Variants in CACNA2D2 observed in about 807,000 individuals in gnomAD.
The protein encoded by CACNA2D2 is calcium voltage-gated channel auxiliary subunit alpha2delta 2, also known as voltage-dependent calcium channel subunit alpha-2/delta-2.
A neutral mutation model predicts 166.4 loss-of-function variants in CACNA2D2; 48 were observed. That is an observed-to-expected ratio of 0.29 (90% CI 0.23 to 0.37). The LOEUF (loss-of-function observed/expected upper bound fraction) is 0.37. Among genes scored for constraint, CACNA2D2 ranks in the 10% least tolerant of loss-of-function variants. The probability of loss-of-function intolerance (pLI) is 1.00; values close to 1 mark genes in which losing one functional copy is unlikely to be tolerated. For synonymous variants in CACNA2D2, 561 were observed against 573.7 expected, an observed-to-expected ratio of 0.98 and a Z score of 0.32; for missense variants, 1,122 against 1,433.0, an observed-to-expected ratio of 0.78 and a Z score of 3.50.
intron 22 of CACNA2D2, among the ~76,000 whole-genome samples, chr3:50,373,996 A>T (rs990933608): frequency 0.011 from 2 of 178 alleles, no homozygotes; most frequent in African/African-American, 0.1. Context: ...GGGGGAGGGG[A>T]GGGGGGAGGA....
At chr3:50,468,744 C>G (rs1709940690) in intron 2 of CACNA2D2, among the ~76,000 whole-genome samples, 1 of 152,048 alleles carries the variant, frequency 6.6e-6, no homozygotes, top group Non-Finnish European at 1.5e-5. Flanking sequence ...CACTAACTTC[C>G]CCATTCCCAA....
At chr3:50,501,133 C>T (rs1698945384) in intron 1 of CACNA2D2, among the ~76,000 whole-genome samples, 1 of 152,198 alleles carries the variant, frequency 6.6e-6, no homozygotes, top group Non-Finnish European at 1.5e-5. Context: ...TGGGAGGTCA[C>T]CCATCCCTGA....
At chr3:50,400,466 C>T (rs1028135728) in intron 3 of CACNA2D2, among the ~76,000 whole-genome samples, 4 of 152,256 alleles carry the variant, frequency 2.6e-5, no homozygotes, top group Non-Finnish European at 5.9e-5. Context: ...ACGGCCACCT[C>T]AGCGACTTTG....
At chr3:50,465,535 A>G (rs1709793681) in intron 2 of CACNA2D2, among the ~76,000 whole-genome samples, 1 of 152,162 alleles carries the variant, frequency 6.6e-6, no homozygotes, top group South Asian at 2.1e-4. Context: ...GTACAAGTTC[A>G]ACAGATCCCA....
At chr3:50,378,433 T>C in intron 13 of CACNA2D2, 100 bp from the exon 14 acceptor site, 1 of 1,202,452 alleles carries the variant, frequency 8.3e-7, no homozygotes, top group East Asian at 2.6e-5. Context: ...CTGCCTCGCC[T>C]CTTGGGCTCC....
chr3:50,431,613 G>A (rs1327136889), intron 3 of CACNA2D2, among the ~76,000 whole-genome samples: 1 of 152,196 alleles, frequency 6.6e-6, no homozygotes, highest in Non-Finnish European at 1.5e-5. Context: ...GTTGCTGTGA[G>A]AATGATGCAT....
At chr3:50,368,893 G>T (rs1704499407) in intron 23 of CACNA2D2, among the ~76,000 whole-genome samples, 1 of 152,214 alleles carries the variant, frequency 6.6e-6, no homozygotes, top group South Asian at 2.1e-4. Flanking sequence ...TGCTGCCTAG[G>T]AAGTCTTGGG....
At chr3:50,399,413 C>T (rs923869063) in intron 3 of CACNA2D2, among the ~76,000 whole-genome samples, 2 of 152,152 alleles carry the variant, frequency 1.3e-5, no homozygotes, top group African/African-American at 4.8e-5. Context: ...CCATGGGGTG[C>T]AGGATGTTGA....
chr3:50,368,630 G>T (rs1028560746), intron 23 of CACNA2D2, among the ~76,000 whole-genome samples: 2 of 152,202 alleles, frequency 1.3e-5, no homozygotes, highest in African/African-American at 4.8e-5. Context: ...ACAAGCACTG[G>T]CTTTTTGTCA....
At chr3:50,483,176 T>C (rs1204800465) in intron 1 of CACNA2D2, among the ~76,000 whole-genome samples, 1 of 152,156 alleles carries the variant, frequency 6.6e-6, no homozygotes, top group Non-Finnish European at 1.5e-5. Flanking sequence ...GGCTGGCCCA[T>C]CTTCAATCTA....
chr3:50,373,226 T>C, intron 22 of CACNA2D2: 1 of 725,044 alleles, frequency 1.4e-6, no homozygotes, highest in East Asian at 2.8e-5. Flanking sequence ...TTGTGTCTCA[T>C]CATCATACCG....
chr3:50,379,417 A>G lies in CACNA2D2; in HGVS notation c.1152+15T>C, dbSNP rs1398272454. The G allele has an allele frequency of 6.2e-7, 1 of 1,610,858 alleles. No individual in the cohort carries two copies. Among genetic ancestry groups the G allele is most frequent in the Non-Finnish European group, 8.5e-7 (1 of 1,177,936 alleles). On this transcript the variant is annotated intron_variant, in intron 11 of 37. Transcript: ENST00000424201. This position sits in a 1 kb window ranked among gnomAD's most constrained non-coding sequence, Gnocchi z 6.5. ...TACTCCCCCAGCCGCCCACTTGCCC[A>G]CCCATGGGGCTCACGTTCTGCAGCT...
chr3:50,425,281 A>T (rs1416106416), intron 3 of CACNA2D2, among the ~76,000 whole-genome samples: 1 of 151,986 alleles, frequency 6.6e-6, no homozygotes, highest in Non-Finnish European at 1.5e-5. Context: ...AGTTCTGCTC[A>T]CTCTCACTGC....
At chr3:50,502,566 T>C (rs986083825) in intron 1 of CACNA2D2, among the ~76,000 whole-genome samples, 3 of 152,168 alleles carry the variant, frequency 2.0e-5, no homozygotes, top group African/African-American at 7.2e-5. Flanking sequence ...GCAGGGGTCC[T>C]TCCCACCATT....
intron 3 of CACNA2D2, among the ~76,000 whole-genome samples, chr3:50,411,109 T>C (rs1444696441): frequency 2.6e-5 from 4 of 152,158 alleles, no homozygotes; most frequent in East Asian, 1.9e-4. Flanking sequence ...CCAGGACCTA[T>C]AGGCTCCACC....
At chr3:50,492,459 G>A (rs1395487319) in intron 1 of CACNA2D2, among the ~76,000 whole-genome samples, 1 of 152,226 alleles carries the variant, frequency 6.6e-6, no homozygotes, top group Admixed American at 6.5e-5. Context: ...CCAAACCCCA[G>A]GTTTGGGTCT....
Position 50,364,873 on chromosome 3 carries a change from G to A in CACNA2D2, c.3291+15C>T, listed in dbSNP as rs1559869737. On this transcript the variant is annotated intron_variant, in intron 37 of 37. Transcript: ENST00000424201. The stretch of plus-strand genomic sequence containing the variant: ...AAGGCCGCGGGATTTCGGGTCCACC[G>A]CCCCCTCTCCTCACTGTCGCGTTGT... 2 of 1,613,304 alleles carry A rather than the reference G, an allele frequency of 1.2e-6. No individual in the cohort carries two copies. Among genetic ancestry groups the A allele is most frequent in the East Asian group, 2.2e-5 (1 of 44,860 alleles).
At position 50,367,495 on chromosome 3, in the gene CACNA2D2, G is replaced by C; in HGVS notation, c.2300C>G (p.Ala767Gly). The change falls in exon 27 of 38, where the codon GCA becomes GGA. Residue 767 changes from alanine to glycine, a missense_variant and splice_region_variant. This residue lies in a region of CACNA2D2 where 840 missense variants were observed against 1,166.8 expected (regional missense o/e 0.72). Coordinates refer to ENST00000424201, the MANE Select transcript of CACNA2D2 (RefSeq NM_006030.4). This position sits in a 1 kb window ranked among gnomAD's most constrained non-coding sequence, Gnocchi z 6.5. The part of the protein sequence containing the change: ...GGITRVFPNK[A>G]AEDWTENPEP... The stretch of plus-strand genomic sequence containing the variant: ...AGGGTTCTCTGTCCAGTCCTCAGCT[G>C]CCCTGGAGCACCCAAGAGGCAGACT... 4 of 1,613,846 alleles carry C rather than the reference G, an allele frequency of 2.5e-6. No homozygotes were observed. The highest frequency in any genetic ancestry group is 3.4e-6 in the Non-Finnish European group (4 of 1,179,894).
In CACNA2D2 at chr3:50,364,976, C is replaced by T. The variant is rs370983531; in HGVS notation, c.3209-6G>A. The T allele has an allele frequency of 1.3e-5, 21 of 1,612,052 alleles. No individual in the cohort carries two copies. Among genetic ancestry groups the T allele is most frequent in the Non-Finnish European group, 1.6e-5 (19 of 1,179,616 alleles). ...ACACTGCTCCGGGCCGTCCGCTGGGCATGGGTGGGGAGTCAAGGAGGCGGA... is the reference window on the plus strand; with the variant it reads ...ACACTGCTCCGGGCCGTCCGCTGGGTATGGGTGGGGAGTCAAGGAGGCGGA... On this transcript the variant is annotated splice_polypyrimidine_tract_variant and splice_region_variant and intron_variant, in intron 36 of 37. Transcript: ENST00000424201.
Sources: allele counts gnomAD v4.1 joint callset (sites outside exome capture counted in the v4.1 genomes callset), GRCh38; gene constraint gnomAD v4.1.1; regional missense constraint gnomAD v4.1.1; non-coding constraint Gnocchi (gnomAD v3.1); transcripts MANE v1.5; gene names NCBI Gene and HGNC (gene_info 2026-07-23, HGNC 2026-07-21).